Variants in PTPRJ observed in about 807,000 individuals in gnomAD.
PTPRJ encodes receptor-type tyrosine-protein phosphatase eta.
A neutral mutation model predicts 141.3 loss-of-function variants in PTPRJ; 129 were observed. The ratio of observed to expected loss-of-function variants is 0.91; its 90% CI spans 0.79 to 1.06. PTPRJ has a LOEUF of 1.06. Ranked by LOEUF, PTPRJ falls within the 50% of genes least tolerant of loss-of-function variation. PTPRJ has a pLI of 0.00. For synonymous variants in PTPRJ, 610 were observed against 640.5 expected (o/e 0.95, Z 0.72); for missense variants, 1,601 against 1,679.7 (o/e 0.95, Z 0.82).
chr11:48,026,525 A>G (rs1286806206), intron 1 of PTPRJ, among the ~76,000 whole-genome samples: 2 of 149,182 alleles, frequency 1.3e-5, no homozygotes, highest in African/African-American at 5.0e-5. Context: ...CTTATTGCCC[A>G]GGCTGGAGTG....
chr11:48,129,550 A>C (rs1257936858), intron 7 of PTPRJ, among the ~76,000 whole-genome samples: 1 of 152,112 alleles, frequency 6.6e-6, no homozygotes, highest in Admixed American at 6.5e-5. Flanking sequence ...ATAAACATAC[A>C]CATTTGGGGG....
chr11:48,080,617 G>T (rs1402191702), intron 1 of PTPRJ, among the ~76,000 whole-genome samples: 1 of 152,210 alleles, frequency 6.6e-6, no homozygotes, highest in Admixed American at 6.5e-5. Context: ...AAGGGTGTTG[G>T]GTTGGTGAGG....
intron 1 of PTPRJ, among the ~76,000 whole-genome samples, chr11:48,017,874 A>G (rs895185227): frequency 1.3e-5 from 2 of 152,204 alleles, no homozygotes; most frequent in South Asian, 4.1e-4. Context: ...CAGGACCATC[A>G]TTGACTCCTG....
chr11:48,130,338 A>C (rs1856942593), intron 7 of PTPRJ, 121 bp from the exon 8 acceptor site: 1 of 1,018,302 alleles, frequency 9.8e-7, no homozygotes, highest in African/African-American at 1.6e-5. Flanking sequence ...GATACAAAGA[A>C]GACAGAGAGA....
At chr11:48,078,348 G>A (rs186647017) in intron 1 of PTPRJ, among the ~76,000 whole-genome samples, 95 of 152,276 alleles carry the variant, frequency 6.2e-4, no homozygotes, top group African/African-American at 2.2e-3. Context: ...ATGAGCCACC[G>A]TGCCCGGCCT....
Position 48,139,518 on chromosome 11 carries a change from G to T in PTPRJ, c.2185G>T (p.Val729Leu), listed in dbSNP as rs565173978. Residue 729 changes from valine to leucine, a missense_variant, in exon 11 of 25, where the codon GTG becomes TTG. Coordinates refer to ENST00000418331, the MANE Select transcript of PTPRJ (RefSeq NM_002843.4). ...PASMASFDCE[V>L]VPKEPALVLK... ...GTCCATGGCCTCCTTCGACTGCGAA[G>T]TGGTCCCCAAAGAGCCAGCCCTGGT... 23 of 1,614,028 alleles carry T rather than the reference G, an allele frequency of 1.4e-5. 1 individual carries two copies. The highest frequency in any genetic ancestry group is 1.9e-5 in the Non-Finnish European group (22 of 1,179,974).
chr11:48,108,627 A>T (rs1856359666), intron 1 of PTPRJ, among the ~76,000 whole-genome samples: 1 of 152,158 alleles, frequency 6.6e-6, no homozygotes, highest in Non-Finnish European at 1.5e-5. Context: ...GGGCAAAAAA[A>T]TGTTTGCTGC....
At chr11:48,116,373 TAAC>T (rs1454322381) in intron 3 of PTPRJ, among the ~76,000 whole-genome samples, 1 of 152,208 alleles carries the variant, frequency 6.6e-6, no homozygotes, top group Non-Finnish European at 1.5e-5. Flanking sequence ...CAAGAGGTCT[TAAC>T]AATTATAAAT....
At position 48,153,891 on chromosome 11, in the gene PTPRJ, G is replaced by A. The variant is rs1857543113; in HGVS notation, c.3229+5G>A. The A allele has an allele frequency of 6.3e-7, 1 of 1,591,554 alleles. No homozygotes were observed. The highest frequency in any genetic ancestry group is 1.3e-5 in the African/African-American group (1 of 74,464). On this transcript the variant is annotated splice_donor_5th_base_variant and intron_variant, in intron 19 of 24. Coordinates refer to ENST00000418331, the MANE Select transcript of PTPRJ (RefSeq NM_002843.4). ...GCTATAATAATGTTCTGCCCTGTAA[G>A]TTATTTTATCTACAGCATCTTCTCT...
chr11:48,023,347 A>T (rs1183567339), intron 1 of PTPRJ, among the ~76,000 whole-genome samples: 1 of 152,158 alleles, frequency 6.6e-6, no homozygotes, highest in Non-Finnish European at 1.5e-5. Flanking sequence ...AGTTTCCCTG[A>T]CATGCACGCC....
chr11:48,135,786 C>A (rs1021418865), intron 8 of PTPRJ, among the ~76,000 whole-genome samples: 1 of 152,092 alleles, frequency 6.6e-6, no homozygotes, highest in South Asian at 2.1e-4. Flanking sequence ...CCTAAGGGCT[C>A]ATTTTTAAGA....
chr11:48,106,360 G>A (rs1315984469), intron 1 of PTPRJ, among the ~76,000 whole-genome samples: 3 of 152,214 alleles, frequency 2.0e-5, no homozygotes, highest in African/African-American at 7.2e-5. Flanking sequence ...AAATGAAAAT[G>A]GAAATGGCCT....
rs1565328624 is a variant in PTPRJ at position 48,150,177 on chromosome 11, A to T, written c.3132A>T (p.Glu1044Asp). The T allele has an allele frequency of 2.5e-6, 4 of 1,613,550 alleles. No homozygotes were observed. The South Asian group carries it at 4.4e-5, about 18-fold the overall frequency. Residue 1044 changes from glutamate (E) to aspartate (D), a missense_variant, in exon 18 of 25, where the codon GAA becomes GAT. By Grantham distance (45) the Glu-to-Asp change is conservative. Transcript: ENST00000418331. Reference sequence around the variant, plus strand: ...ACTCCAACTGTGGGTTCGCAGAGGAATACGAAGTATGTTGCTGTAAATACT... The same window carrying T: ...ACTCCAACTGTGGGTTCGCAGAGGATTACGAAGTATGTTGCTGTAAATACT... ...QADSNCGFAE[E>D]YEDLKLVGIS...
At chr11:48,150,347 T>G (rs915217041) in intron 18 of PTPRJ, among the ~76,000 whole-genome samples, 164 bp downstream of exon 18, 1 of 152,128 alleles carries the variant, frequency 6.6e-6, no homozygotes, top group South Asian at 2.1e-4. Flanking sequence ...AGCAGTGCAG[T>G]TATATTACTC....
intron 1 of PTPRJ, among the ~76,000 whole-genome samples, chr11:48,000,177 G>C (rs1854457116): frequency 7.6e-6 from 1 of 131,944 alleles, no homozygotes; most frequent in African/African-American, 2.9e-5. Flanking sequence ...GTCGTGTTCT[G>C]TTGCCCAGGC....
At position 48,136,235 on chromosome 11, in the gene PTPRJ, C is replaced by T. The variant is rs751852342; in HGVS notation, c.1812C>T (p.Ile604=). Residue 604 remains isoleucine (I), a synonymous_variant, in exon 9 of 25, where the codon ATC becomes ATT. Coordinates refer to ENST00000418331, the MANE Select transcript of PTPRJ (RefSeq NM_002843.4). ...QGLIPGTLYN[I]TISPEVDHVW... is the part of the protein sequence containing the mutation. ...TGATTCCGGGCACCTTATATAACATCACCATCTCTCCAGAAGTGGACCACG... is the reference window on the plus strand; with the variant it reads ...TGATTCCGGGCACCTTATATAACATTACCATCTCTCCAGAAGTGGACCACG... The T allele has an allele frequency of 4.3e-6, 7 of 1,614,228 alleles. No individual in the cohort carries two copies. In the Admixed American group the frequency reaches 5.0e-5, roughly 12 times the overall value.
At chr11:48,097,056 C>A (rs1032554826) in intron 1 of PTPRJ, among the ~76,000 whole-genome samples, 2 of 152,168 alleles carry the variant, frequency 1.3e-5, no homozygotes, top group Non-Finnish European at 2.9e-5. Context: ...TTCAGCCAGA[C>A]CCCCTGCCAG....
At chr11:47,992,597 A>C (rs1854224367) in intron 1 of PTPRJ, among the ~76,000 whole-genome samples, 1 of 152,188 alleles carries the variant, frequency 6.6e-6, no homozygotes, top group Non-Finnish European at 1.5e-5. Context: ...GGTCCTGTGA[A>C]TATTAGTATT....
chr11:48,063,660 C>A (rs114810497), intron 1 of PTPRJ, among the ~76,000 whole-genome samples: 76 of 152,320 alleles, frequency 5.0e-4, no homozygotes, highest in African/African-American at 1.8e-3. Flanking sequence ...CTGACTGATA[C>A]ACTTGGCTGC....
Sources: gnomAD v4.1 joint callset for allele counts (sites outside exome capture counted in the v4.1 genomes callset) on GRCh38, gnomAD v4.1.1 for gene constraint, MANE v1.5 for transcripts, NCBI Gene and HGNC (gene_info 2026-07-23, HGNC 2026-07-21) for gene names.